The following C12orf42 variants were observed in gnomAD, a reference collection of about 807,000 sequenced individuals.
The protein encoded by C12orf42 is uncharacterized protein C12orf42.
A neutral mutation model predicts 21.6 loss-of-function variants in C12orf42; 25 were observed. The observed-to-expected ratio is 1.16, with a 90% confidence interval of 0.84 to 1.62. The LOEUF (loss-of-function observed/expected upper bound fraction) is 1.62, where lower values mean the gene tolerates loss of function less well. C12orf42 is among the 40% of genes most tolerant of loss of function. The pLI is 0.00. For missense variants in C12orf42, 483 were observed against 459.3 expected, an observed-to-expected ratio of 1.05 and a Z score of -0.47; for synonymous variants, 174 against 175.0, an observed-to-expected ratio of 0.99 and a Z score of 0.05.
At chr12:103,364,424 C>A (rs1427745659) in intron 4 of C12orf42, among the ~76,000 whole-genome samples, 1 of 151,760 alleles carries the variant, frequency 6.6e-6, no homozygotes, top group Non-Finnish European at 1.5e-5. Flanking sequence ...TAAGGTCACA[C>A]CTCAAGGAAC....
intron 2 of C12orf42, among the ~76,000 whole-genome samples, chr12:103,474,418 A>G (rs972821611): frequency 6.8e-6 from 1 of 146,566 alleles, no homozygotes; most frequent in Admixed American, 7.0e-5. Flanking sequence ...CTCTGTCTCT[A>G]TGTATGCCTG....
chr12:103,122,265 C>T, the C12orf42 span, among the ~76,000 whole-genome samples: 9 of 152,232 alleles, frequency 5.9e-5, no homozygotes, highest in East Asian at 1.2e-3. Flanking sequence ...GGCAGTGATA[C>T]GTGGTAGGGT....
chr12:103,532,116 A>G, the C12orf42 span, among the ~76,000 whole-genome samples: 8,215 of 152,278 alleles, frequency 0.054, 724 homozygotes, highest in African/African-American at 0.19. Context: ...AAATGTTAAT[A>G]TCTCCATTTT....
chr12:103,092,318 T>A, the C12orf42 span, among the ~76,000 whole-genome samples: 1 of 152,134 alleles, frequency 6.6e-6, no homozygotes, highest in Non-Finnish European at 1.5e-5. Context: ...ACAGAACTAA[T>A]CTCAAATTCC....
chr12:103,231,024 CT>C, the C12orf42 span, among the ~76,000 whole-genome samples: 2 of 152,028 alleles, frequency 1.3e-5, no homozygotes, highest in Admixed American at 1.3e-4. Context: ...ATATTTTCTT[CT>C]ATACCTATGA....
At chr12:103,413,571 G>A (rs997310291) in intron 2 of C12orf42, among the ~76,000 whole-genome samples, 7 of 151,972 alleles carry the variant, frequency 4.6e-5, no homozygotes, top group African/African-American at 1.7e-4. Flanking sequence ...AGATTTTGGT[G>A]CATCCATTAC....
At chr12:103,541,127 C>T in the C12orf42 span, among the ~76,000 whole-genome samples, 1 of 152,292 alleles carries the variant, frequency 6.6e-6, no homozygotes, top group South Asian at 2.1e-4. Flanking sequence ...TGGTCTCAAA[C>T]TCCTGAGCTC....
the C12orf42 span, among the ~76,000 whole-genome samples, chr12:103,072,954 A>G: frequency 1.3e-5 from 2 of 152,304 alleles, no homozygotes; most frequent in East Asian, 1.9e-4. Flanking sequence ...TAGACTGGAT[A>G]ATAAACACGT....
At chr12:103,498,606 A>C (rs1955633086), upstream of C12orf42, among the ~76,000 whole-genome samples, 1 of 152,212 alleles carries the variant, frequency 6.6e-6, no homozygotes, top group Admixed American at 6.5e-5. Context: ...AATATTTAAA[A>C]GTCTAACTCC....
chr12:103,203,482 T>C, the C12orf42 span, among the ~76,000 whole-genome samples: 1 of 152,202 alleles, frequency 6.6e-6, no homozygotes, highest in African/African-American at 2.4e-5. Context: ...CTTGAGGATT[T>C]AAAGCTCATA....
At chr12:103,116,952 G>T in the C12orf42 span, among the ~76,000 whole-genome samples, 157 of 152,166 alleles carry the variant, frequency 1.0e-3, no homozygotes, top group African/African-American at 3.6e-3. Flanking sequence ...GATACATAGG[G>T]AAACATTTGT....
intron 4 of C12orf42, among the ~76,000 whole-genome samples, chr12:103,282,802 AGTCCTCT>A (rs770113641): frequency 1.3e-5 from 2 of 152,236 alleles, no homozygotes; most frequent in Non-Finnish European, 2.9e-5. Flanking sequence ...GGCATTCTTG[AGTCCTCT>A]GTCCCAATTT....
the C12orf42 span, among the ~76,000 whole-genome samples, chr12:103,199,668 A>C: frequency 6.6e-6 from 1 of 152,196 alleles, no homozygotes; most frequent in East Asian, 1.9e-4. Flanking sequence ...TAATAAACAA[A>C]CATTTCTCTG....
chr12:103,167,790 T>TA, the C12orf42 span, among the ~76,000 whole-genome samples: 1 of 150,196 alleles, frequency 6.7e-6, no homozygotes, highest in Admixed American at 6.6e-5. Flanking sequence ...AAACCAACAG[T>TA]AAATGAAAAA....
At chr12:103,395,161 T>C (rs758562655) in intron 3 of C12orf42, among the ~76,000 whole-genome samples, 1 of 152,170 alleles carries the variant, frequency 6.6e-6, no homozygotes, top group Non-Finnish European at 1.5e-5. Flanking sequence ...GTTGAACTGG[T>C]CAATTGAATA....
At chr12:103,205,202 T>A in the C12orf42 span, among the ~76,000 whole-genome samples, 1 of 152,218 alleles carries the variant, frequency 6.6e-6, no homozygotes, top group African/African-American at 2.4e-5. Context: ...TTCGATGTTA[T>A]CTTGGAAAGT....
chr12:103,369,998 C>A (rs192486372), intron 3 of C12orf42, among the ~76,000 whole-genome samples: 1 of 152,024 alleles, frequency 6.6e-6, no homozygotes, highest in East Asian at 1.9e-4. Context: ...TGGTCTAATA[C>A]CCAGAATCTA....
chr12:103,262,990 A>C (rs561705327), intron 10 of C12orf42, among the ~76,000 whole-genome samples: 54 of 152,330 alleles, frequency 3.5e-4, no homozygotes, highest in African/African-American at 1.2e-3. Flanking sequence ...GGATGAGTTC[A>C]TGTCCTTTGT....
chr12:103,203,864 A>G, the C12orf42 span, among the ~76,000 whole-genome samples: 3 of 152,202 alleles, frequency 2.0e-5, no homozygotes, highest in Non-Finnish European at 4.4e-5. Context: ...TGAGCACCCA[A>G]CATTTTAGGC....
Sources: allele counts gnomAD v4.1 joint callset (sites outside exome capture counted in the v4.1 genomes callset), GRCh38; gene constraint gnomAD v4.1.1; transcripts MANE v1.5; gene names NCBI Gene and HGNC (gene_info 2026-07-23, HGNC 2026-07-21).